The following POLB variants were observed in gnomAD, a reference collection of about 807,000 sequenced individuals.
POLB encodes DNA polymerase beta, also known as 5'-dRP lyase.
A neutral mutation model predicts 52.7 loss-of-function variants in POLB; 37 were observed. The observed-to-expected ratio is 0.70, with a 90% CI of 0.54 to 0.92. The LOEUF is 0.92. Ranked by LOEUF, POLB falls within the 40% of genes least tolerant of loss-of-function variation. The pLI is 0.00. For missense variants in POLB, 313 were observed against 400.8 expected (o/e 0.78, Z 1.87); for synonymous variants, 138 against 131.3 (o/e 1.05, Z -0.35).
At chr8:42,366,472 A>C (rs1470708261) in intron 11 of POLB, among the ~76,000 whole-genome samples, 1 of 152,232 alleles carries the variant, frequency 6.6e-6, no homozygotes, top group African/African-American at 2.4e-5. Flanking sequence ...GTTGCGACAT[A>C]GGAATCCATC....
Position 42,369,899 on chromosome 8 carries a change from G to A in POLB, c.824G>A (p.Ser275Asn). 1 of 1,605,742 alleles carries A rather than the reference G, an allele frequency of 6.2e-7. No individual in the cohort carries two copies. The highest frequency in any genetic ancestry group is 1.1e-5 in the South Asian group (1 of 90,854). Residue 275 changes from serine to asparagine, a missense_variant, in exon 13 of 14, where the codon AGT becomes AAT. Ser to Asn is a conservative substitution (Grantham distance 46). Coordinates refer to ENST00000265421, the MANE Select transcript of POLB (RefSeq NM_002690.3). ...YYCGVLYFTG[S>N]DIFNKNMRAH... ...TGTGGTGTTCTCTATTTCACTGGGA[G>A]TGATATTTTCAATAAGAATATGAGG...
intron 11 of POLB, among the ~76,000 whole-genome samples, chr8:42,363,574 A>G (rs559802674): frequency 5.7e-4 from 87 of 151,372 alleles, no homozygotes; most frequent in Admixed American, 9.9e-4. Flanking sequence ...TTAATTAGGC[A>G]TAATCTGCTT....
intron 4 of POLB, 112 bp downstream of exon 4, chr8:42,349,202 A>G (rs1822814986): frequency 1.6e-6 from 1 of 616,628 alleles, no homozygotes; most frequent in Non-Finnish European, 2.9e-6. Context: ...CTCACAGGAA[A>G]TGAGGTGAGT....
chr8:42,361,717 T>A (rs1156479811), intron 10 of POLB: 1 of 181,322 alleles, frequency 5.5e-6, no homozygotes, highest in Non-Finnish European at 1.2e-5. Flanking sequence ...TTAGAAAACC[T>A]GTGAAGGCAA....
chr8:42,340,848 A>G lies in POLB; in HGVS notation c.119+1779A>G, dbSNP rs144285251. On this transcript the variant is annotated intron_variant, in intron 2 of 13. Transcript: ENST00000265421. ...AAGTAAAATAATTGTATTATCATCCATACATTTGATGATTCAAAATTACAG... is the reference window on the plus strand; with the variant it reads ...AAGTAAAATAATTGTATTATCATCCGTACATTTGATGATTCAAAATTACAG... 8.5e-4 allele frequency among the ~76,000 whole-genome samples: 129 copies of G among 152,312 alleles called. 1 individual carries two copies. The highest frequency in any genetic ancestry group is 3.4e-3 in the Middle Eastern group (1 of 294).
At chr8:42,356,795 A>G (rs1194914007) in intron 7 of POLB, among the ~76,000 whole-genome samples, 1 of 152,242 alleles carries the variant, frequency 6.6e-6, no homozygotes, top group Non-Finnish European at 1.5e-5. Flanking sequence ...TTTGCAGGAT[A>G]TAAGAGCGGT....
rs202044677 is a variant in POLB at position 42,369,822 on chromosome 8, A to G, written c.774-27A>G. ...CTAAACTTGAAATGCATGGTAAAAA[A>G]ATGTATCTACTGTCCATTTTTTTTA... On this transcript the variant is annotated intron_variant, in intron 12 of 13. Transcript: ENST00000265421. 3.3e-4 allele frequency: 503 copies of G among 1,516,958 alleles called. 4 individuals are homozygous for G. In the South Asian group the frequency reaches 3.8e-3, roughly 12 times the overall value. The allele number at this position is 1,516,958 out of a possible 1,614,324, so 94.0% of individuals were successfully genotyped here.
At chr8:42,362,258 A>AAAAATAAAATAAAATAAAAT (rs200006937) in intron 10 of POLB, among the ~76,000 whole-genome samples, 1 of 93,296 alleles carries the variant, frequency 1.1e-5, no homozygotes, top group African/African-American at 1.1e-4. Flanking sequence ...GACTCCATCT[A>AAAAATAAAATAAAATAAAAT]AAAATAAAAT....
chr8:42,348,724 G>A (rs561466323), intron 3 of POLB, among the ~76,000 whole-genome samples: 24 of 152,152 alleles, frequency 1.6e-4, no homozygotes, highest in Non-Finnish European at 3.2e-4. Flanking sequence ...TAGGGTATTT[G>A]CTAATTAAAT....
chr8:42,355,424 G>A lies in POLB; in HGVS notation c.371-92G>A. ...TCATTTCAATGTATTTGTTCCCCAG[G>A]TGGTTCTTTATAAAAAGGGTCATTG... On this transcript the variant is annotated intron_variant, in intron 6 of 13. Transcript: ENST00000265421. The A allele has an allele frequency of 8.5e-6, 6 of 708,578 alleles. No individual in the cohort carries two copies. In the South Asian group the frequency reaches 1.0e-4, roughly 12 times the overall value. 43.9% of individuals were successfully genotyped at this position (708,578 alleles called of 1,614,324 possible).
intron 10 of POLB, 30 bp downstream of exon 10, chr8:42,361,395 C>T (rs769091533): frequency 3.2e-5 from 44 of 1,357,614 alleles, no homozygotes; most frequent in Non-Finnish European, 4.5e-5. Context: ...CAATGGTGAT[C>T]AGTCTTACAC....
intron 2 of POLB, among the ~76,000 whole-genome samples, chr8:42,340,505 G>C (rs1308012330): frequency 2.0e-5 from 3 of 152,088 alleles, no homozygotes; most frequent in Middle Eastern, 3.2e-3. Flanking sequence ...TCCAAACCCT[G>C]AAAAAAATTC....
intron 13 of POLB, among the ~76,000 whole-genome samples, chr8:42,370,516 A>G (rs774584923): frequency 6.6e-5 from 10 of 151,892 alleles, no homozygotes; most frequent in Non-Finnish European, 1.3e-4. Context: ...TCCTCAAAGT[A>G]TAAAATACTT....
chr8:42,354,810 G>A (rs1823198578), intron 6 of POLB, among the ~76,000 whole-genome samples: 1 of 152,014 alleles, frequency 6.6e-6, no homozygotes, highest in African/African-American at 2.4e-5. Flanking sequence ...CCAAAATGCT[G>A]GGATTACAGT....
At chr8:42,362,929 A>C (rs1051477411) in intron 11 of POLB, among the ~76,000 whole-genome samples, 1 of 151,866 alleles carries the variant, frequency 6.6e-6, no homozygotes, top group Admixed American at 6.6e-5. Context: ...GCTCAAGACC[A>C]TGCTGACCAA....
At chr8:42,362,802 A>G in intron 11 of POLB, 104 bp downstream of exon 11, 1 of 666,456 alleles carries the variant, frequency 1.5e-6, no homozygotes, top group East Asian at 2.8e-5. Flanking sequence ...ACAGTCACCA[A>G]ATAGAGTATC....
chr8:42,338,534 C>T lies in POLB; in HGVS notation c.-91C>T. ...GCGCCGGAGCTGGGTTGCTCCTGCT[C>T]CCGTCTCCAAGTCCTGGTACCTCCT... On this transcript the variant is annotated 5_prime_UTR_variant, in exon 1 of 14. Coordinates refer to ENST00000265421, the MANE Select transcript of POLB (RefSeq NM_002690.3). The T allele has an allele frequency of 8.5e-7, 1 of 1,178,102 alleles. No homozygotes were observed. The highest frequency in any genetic ancestry group is 1.3e-6 in the Non-Finnish European group (1 of 785,624). The allele number at this position is 1,178,102 out of a possible 1,614,324, so 73.0% of individuals were successfully genotyped here.
chr8:42,368,611 C>G (rs3136793), intron 11 of POLB, among the ~76,000 whole-genome samples: 36,031 of 152,008 alleles, frequency 0.24, 8,307 homozygotes, highest in African/African-American at 0.6. Context: ...ATAAAACAGA[C>G]TTGGATAACT....
intron 6 of POLB, among the ~76,000 whole-genome samples, chr8:42,355,109 G>T (rs1246911439): frequency 2.6e-5 from 4 of 151,678 alleles, no homozygotes; most frequent in Non-Finnish European, 5.9e-5. Flanking sequence ...CGCAATCTCG[G>T]CTCACTGCAG....
Sources: gnomAD v4.1 joint callset for allele counts (sites outside exome capture counted in the v4.1 genomes callset) on GRCh38, gnomAD v4.1.1 for gene constraint, MANE v1.5 for transcripts, NCBI Gene and HGNC (gene_info 2026-07-23, HGNC 2026-07-21) for gene names.